Variants in PABPC4L observed in about 807,000 individuals in gnomAD.
The protein encoded by PABPC4L is poly(A) binding protein cytoplasmic 4 like.
For missense variants in PABPC4L, 452 were observed against 451.4 expected (o/e 1.00, Z -0.01); for synonymous variants, 169 against 164.1 (o/e 1.03, Z -0.23).
chr4:134,101,308 T>G, the PABPC4L span, among the ~76,000 whole-genome samples: 3 of 151,704 alleles, frequency 2.0e-5, no homozygotes, highest in Admixed American at 6.6e-5. Context: ...AAGTAAACTT[T>G]AATAATATCA....
the PABPC4L span, among the ~76,000 whole-genome samples, chr4:134,112,658 T>C: frequency 3.3e-5 from 5 of 151,832 alleles, no homozygotes; most frequent in Non-Finnish European, 5.9e-5. Context: ...CATCTATACA[T>C]ATATGCACAC....
At chr4:134,147,766 G>GTTT in the PABPC4L span, among the ~76,000 whole-genome samples, 1 of 150,940 alleles carries the variant, frequency 6.6e-6, no homozygotes, top group Non-Finnish European at 1.5e-5. Context: ...TGTTGTTGTT[G>GTTT]TTGTTTTTTC....
At chr4:134,015,091 G>A in the PABPC4L span, among the ~76,000 whole-genome samples, 4 of 151,886 alleles carry the variant, frequency 2.6e-5, no homozygotes, top group South Asian at 4.2e-4. Flanking sequence ...CCTCCTTGGC[G>A]ACTGATCATG....
At chr4:134,066,339 A>G in the PABPC4L span, among the ~76,000 whole-genome samples, 2 of 151,948 alleles carry the variant, frequency 1.3e-5, no homozygotes, top group African/African-American at 4.8e-5. Flanking sequence ...TTCAGCTCTC[A>G]GTTTGGATGT....
At chr4:134,027,970 GT>G in the PABPC4L span, among the ~76,000 whole-genome samples, 1 of 152,084 alleles carries the variant, frequency 6.6e-6, no homozygotes, top group Non-Finnish European at 1.5e-5. Context: ...AAGTTACTAA[GT>G]TTTTGAGAGA....
At chr4:134,047,551 T>C in the PABPC4L span, among the ~76,000 whole-genome samples, 1 of 152,182 alleles carries the variant, frequency 6.6e-6, no homozygotes, top group Admixed American at 6.5e-5. Flanking sequence ...TAACACACTG[T>C]CACAGTTTAC....
chr4:134,158,935 T>G, the PABPC4L span, among the ~76,000 whole-genome samples: 516 of 152,300 alleles, frequency 3.4e-3, 5 homozygotes, highest in African/African-American at 0.012. Context: ...CATGTTACTA[T>G]ATTGAATACT....
the PABPC4L span, among the ~76,000 whole-genome samples, chr4:134,006,325 TA>T: frequency 1.3e-5 from 2 of 151,876 alleles, no homozygotes; most frequent in African/African-American, 4.8e-5. Flanking sequence ...ACAAACCCAC[TA>T]AAAAGGGAAC....
the PABPC4L span, among the ~76,000 whole-genome samples, chr4:134,189,905 A>G: frequency 3.3e-5 from 5 of 152,038 alleles, no homozygotes; most frequent in African/African-American, 9.7e-5. Flanking sequence ...TCTTGAGGGT[A>G]GGCCTTATTA....
chr4:134,114,442 G>A, the PABPC4L span, among the ~76,000 whole-genome samples: 11 of 151,770 alleles, frequency 7.2e-5, no homozygotes, highest in Non-Finnish European at 1.3e-4. Context: ...CTTAAGTGGG[G>A]AAGGAGATGG....
At chr4:134,080,097 A>C in the PABPC4L span, among the ~76,000 whole-genome samples, 1 of 152,154 alleles carries the variant, frequency 6.6e-6, no homozygotes, top group African/African-American at 2.4e-5. Flanking sequence ...TAATAGCTTC[A>C]ACTAAGAAGA....
chr4:134,169,741 T>G, the PABPC4L span, among the ~76,000 whole-genome samples: 1 of 151,936 alleles, frequency 6.6e-6, no homozygotes, highest in African/African-American at 2.4e-5. Context: ...AAGTGAAAGC[T>G]CTCTACATTT....
the PABPC4L span, among the ~76,000 whole-genome samples, chr4:134,091,037 G>GA: frequency 6.6e-5 from 10 of 151,726 alleles, no homozygotes; most frequent in South Asian, 4.2e-4. Context: ...AGTGATATAA[G>GA]AAAAAAAATG....
the PABPC4L span, among the ~76,000 whole-genome samples, chr4:134,140,831 G>A: frequency 2.0e-5 from 3 of 151,672 alleles, no homozygotes; most frequent in African/African-American, 7.2e-5. Context: ...TGGTAGTAGT[G>A]GATATGTGAC....
At chr4:133,980,519 G>A in the PABPC4L span, among the ~76,000 whole-genome samples, 38 of 152,214 alleles carry the variant, frequency 2.5e-4, no homozygotes, top group African/African-American at 8.7e-4. Context: ...ATTTGAAGAG[G>A]CATAGGCTAT....
the PABPC4L span, among the ~76,000 whole-genome samples, chr4:133,980,531 T>C: frequency 6.6e-6 from 1 of 152,184 alleles, no homozygotes; most frequent in African/African-American, 2.4e-5. Flanking sequence ...ATAGGCTATA[T>C]ATGCACACAC....
chr4:134,042,508 A>C, the PABPC4L span, among the ~76,000 whole-genome samples: 1 of 152,354 alleles, frequency 6.6e-6, no homozygotes, highest in South Asian at 2.1e-4. Context: ...AAAACAATTA[A>C]TTGAAAAAGA....
the PABPC4L span, among the ~76,000 whole-genome samples, chr4:134,089,340 A>G: frequency 6.6e-6 from 1 of 152,218 alleles, no homozygotes; most frequent in East Asian, 1.9e-4. Context: ...CTCCCTCATT[A>G]TTGAGATCCT....
At chr4:134,135,968 T>G in the PABPC4L span, among the ~76,000 whole-genome samples, 1 of 152,268 alleles carries the variant, frequency 6.6e-6, no homozygotes, top group African/African-American at 2.4e-5. Context: ...ACTCCTCAAT[T>G]ATTTTTTATA....
Sources: allele counts gnomAD v4.1 joint callset (sites outside exome capture counted in the v4.1 genomes callset), GRCh38; gene constraint gnomAD v4.1.1; transcripts MANE v1.5; gene names NCBI Gene and HGNC (gene_info 2026-07-23, HGNC 2026-07-21).